POC5: variants seen among roughly 807,000 people sequenced by gnomAD.
POC5 encodes centrosomal protein POC5.
A neutral mutation model predicts 62.9 loss-of-function variants in POC5; 48 were observed. The ratio of observed to expected loss-of-function variants is 0.76; its 90% CI spans 0.61 to 0.97. The LOEUF is 0.97. Ranked by LOEUF, POC5 falls within the 50% of genes least tolerant of loss-of-function variation. The pLI, the probability that POC5 is intolerant of heterozygous loss-of-function variation, is 0.00. For synonymous variants in POC5, 236 were observed against 228.2 expected (o/e 1.03, Z -0.31); for missense variants, 696 against 679.5 (o/e 1.02, Z -0.27).
At position 75,690,502 on chromosome 5, in the gene POC5, T is replaced by C. The variant is rs1776282921; in HGVS notation, c.856A>G (p.Lys286Glu). Residue 286 changes from lysine to glutamate, a missense_variant, in exon 8 of 12, where the codon AAA (lysine) becomes GAA (glutamate). Transcript: ENST00000428202. ...TTTTGCACTACGGAACGCCAGACTT[T>C]CCAGACTTTCTTCAGTAAAGTTCTC... ...YQRTLLKKVW[K>E]VWRSVVQKQW... 6.2e-7 allele frequency: 1 copy of C among 1,605,878 alleles called. No homozygotes were observed. Among genetic ancestry groups the C allele is most frequent in the Admixed American group, 1.7e-5 (1 of 59,036 alleles).
At chr5:75,679,913 A>T (rs1410926755) in intron 10 of POC5, among the ~76,000 whole-genome samples, 5 of 152,176 alleles carry the variant, frequency 3.3e-5, no homozygotes, top group Non-Finnish European at 7.4e-5. Context: ...CAGCTAACAG[A>T]GTTAGGGAGA....
At chr5:75,681,323 C>T (rs971121727) in intron 10 of POC5, among the ~76,000 whole-genome samples, 1 of 152,178 alleles carries the variant, frequency 6.6e-6, no homozygotes, top group East Asian at 1.9e-4. Flanking sequence ...ACTTTCTATT[C>T]AAATGAAGAG....
intron 4 of POC5, among the ~76,000 whole-genome samples, chr5:75,703,725 T>C (rs1342903572): frequency 3.3e-5 from 5 of 152,166 alleles, no homozygotes; most frequent in African/African-American, 1.2e-4. Context: ...AGTACACTGT[T>C]AGGCTTCAAT....
intron 1 of POC5, among the ~76,000 whole-genome samples, chr5:75,714,774 G>A (rs1305007365): frequency 6.6e-6 from 1 of 152,062 alleles, no homozygotes. Flanking sequence ...GGTCACACTG[G>A]CTACGTAGTG....
intron 5 of POC5, among the ~76,000 whole-genome samples, chr5:75,696,452 T>A (rs567828931): frequency 1.3e-5 from 2 of 152,320 alleles, no homozygotes; most frequent in South Asian, 4.1e-4. Flanking sequence ...AGAGGCAGAC[T>A]GACACCTCAC....
At chr5:75,682,925 A>C (rs1455831138) in intron 10 of POC5, among the ~76,000 whole-genome samples, 1 of 152,172 alleles carries the variant, frequency 6.6e-6, no homozygotes, top group South Asian at 2.1e-4. Flanking sequence ...ATCTCAATGT[A>C]TTTTCTCCCA....
At chr5:75,689,316 G>C in intron 8 of POC5, 151 bp from the exon 9 acceptor site, 1 of 984,946 alleles carries the variant, frequency 1.0e-6, no homozygotes, top group Non-Finnish European at 1.2e-6. Flanking sequence ...TATTTTAAAA[G>C]GTACCTCTTA....
chr5:75,684,337 C>G (rs1424525259), intron 10 of POC5, among the ~76,000 whole-genome samples: 2 of 151,350 alleles, frequency 1.3e-5, no homozygotes, highest in Non-Finnish European at 2.9e-5. Flanking sequence ...CACTCTTTCT[C>G]AAATTAAATC....
At chr5:75,710,792 T>A (rs1412074299) in intron 2 of POC5, among the ~76,000 whole-genome samples, 1 of 152,192 alleles carries the variant, frequency 6.6e-6, no homozygotes, top group East Asian at 1.9e-4. Context: ...CCTGCTGTGG[T>A]GTCAGTTGCA....
intron 5 of POC5, among the ~76,000 whole-genome samples, chr5:75,701,089 T>C (rs2112168852): frequency 8.2e-6 from 1 of 122,638 alleles, no homozygotes; most frequent in East Asian, 2.3e-4. Context: ...GGAGAGGATG[T>C]GGAGAAATAG....
chr5:75,687,727 TAAGA>T (rs1230147521), intron 9 of POC5, among the ~76,000 whole-genome samples: 1 of 152,244 alleles, frequency 6.6e-6, no homozygotes, highest in Non-Finnish European at 1.5e-5. Context: ...AAGTAGGTTA[TAAGA>T]AACAGGTTTC....
chr5:75,692,427 C>T lies in POC5; in HGVS notation c.764G>A (p.Trp255Ter). Residue 255 changes from tryptophan (W) to a stop codon, truncating the protein, a stop_gained, in exon 7 of 12, where the codon TGG becomes TAG. Coordinates refer to ENST00000428202, the MANE Select transcript of POC5 (RefSeq NM_001099271.2). LOFTEE classifies it high-confidence loss of function. The part of the protein sequence containing the change: ...KIELMRTFFH[W>*]RIGHVRARQD... ...TCTGGCTCTGACATGGCCGATTCGC[C>T]AGTGGAAGAATGTTCTCATCAACTC... is the stretch of plus-strand genomic sequence containing the variant. 1 of 1,594,124 alleles carries T rather than the reference C, an allele frequency of 6.3e-7. No homozygotes were observed. The highest frequency in any genetic ancestry group is 8.5e-7 in the Non-Finnish European group (1 of 1,169,654).
At chr5:75,699,746 G>A (rs1776782467) in intron 5 of POC5, among the ~76,000 whole-genome samples, 1 of 146,436 alleles carries the variant, frequency 6.8e-6, no homozygotes, top group Non-Finnish European at 1.5e-5. Context: ...GGAAATAAAG[G>A]GTATTCAATT....
At chr5:75,692,807 C>T (rs1322180239) in intron 6 of POC5, among the ~76,000 whole-genome samples, 2 of 151,946 alleles carry the variant, frequency 1.3e-5, no homozygotes, top group African/African-American at 4.8e-5. Context: ...AACAATTATA[C>T]ATTTGAAAGT....
At chr5:75,703,791 C>T (rs1046100177) in intron 4 of POC5, among the ~76,000 whole-genome samples, 1 of 152,084 alleles carries the variant, frequency 6.6e-6, no homozygotes, top group Admixed American at 6.6e-5. Flanking sequence ...ATAAAACGCT[C>T]ATCCCCTGCC....
At chr5:75,680,704 G>A (rs1461214880) in intron 10 of POC5, among the ~76,000 whole-genome samples, 1 of 152,006 alleles carries the variant, frequency 6.6e-6, no homozygotes, top group Non-Finnish European at 1.5e-5. Context: ...TCAGGGGGAG[G>A]AAAGAAAAAC....
intron 10 of POC5, among the ~76,000 whole-genome samples, chr5:75,680,986 ATTAAAT>A (rs1444524432): frequency 6.6e-6 from 1 of 152,174 alleles, no homozygotes; most frequent in African/African-American, 2.4e-5. Flanking sequence ...GTTGGAGTTC[ATTAAAT>A]TTATCAGCTT....
rs1320832713 is a variant in POC5 at position 75,689,029 on chromosome 5, T to A, written c.1112A>T (p.Gln371Leu). Reference sequence around the variant, plus strand: ...ATACTAACCTGCATCATTTCTGTTTTGAAATATAGTCATGGCTTCAAGATT... The same window carrying A: ...ATACTAACCTGCATCATTTCTGTTTAGAAATATAGTCATGGCTTCAAGATT... Reference protein sequence around the residue: ...ALNLEAMTIFQNRNDAGIDST... With the variant: ...ALNLEAMTIFLNRNDAGIDST... The change falls in exon 9 of 12, where the codon CAA becomes CTA. Residue 371 changes from glutamine (Q) to leucine (L), a missense_variant. Physicochemically the swap from Gln to Leu is moderately radical, Grantham distance 113. Transcript: ENST00000428202. The A allele has an allele frequency of 1.9e-6, 3 of 1,569,424 alleles. No homozygotes were observed. The highest frequency in any genetic ancestry group is 2.6e-6 in the Non-Finnish European group (3 of 1,161,380).
At chr5:75,682,513 C>G (rs866826573) in intron 10 of POC5, among the ~76,000 whole-genome samples, 2 of 84,252 alleles carry the variant, frequency 2.4e-5, no homozygotes, top group Non-Finnish European at 4.6e-5. Flanking sequence ...TGTTTTATTT[C>G]TTTCTTTTTT....
Sources: gnomAD v4.1 joint callset for allele counts (sites outside exome capture counted in the v4.1 genomes callset) on GRCh38, gnomAD v4.1.1 for gene constraint, MANE v1.5 for transcripts, NCBI Gene and HGNC (gene_info 2026-07-23, HGNC 2026-07-21) for gene names.